The following ZNF385D variants were observed in gnomAD, a reference collection of about 807,000 sequenced individuals.
The protein encoded by ZNF385D is zinc finger protein 659.
ZNF385D carries 15 observed loss-of-function variants against 35.8 expected under a neutral mutation model. The ratio of observed to expected loss-of-function variants is 0.42; its 90% CI spans 0.28 to 0.64. The LOEUF is 0.64. ZNF385D is among the 30% of genes least tolerant of loss of function. The pLI is 0.23. For synonymous variants in ZNF385D, 212 were observed against 186.8 expected (o/e 1.13, Z -1.10); for missense variants, 474 against 494.6 (o/e 0.96, Z 0.39).
intron 3 of ZNF385D, among the ~76,000 whole-genome samples, chr3:21,880,772 T>G (rs184282396): frequency 1.1e-3 from 166 of 152,042 alleles, no homozygotes; most frequent in African/African-American, 3.9e-3. Context: ...CAGTTAGCAA[T>G]GTTGTGAACG....
At chr3:22,368,790 AG>A (rs2125232044) in intron 2 of ZNF385D, among the ~76,000 whole-genome samples, 1 of 152,342 alleles carries the variant, frequency 6.6e-6, no homozygotes, top group African/African-American at 2.4e-5. Flanking sequence ...ATTAAGGGCT[AG>A]GGCTCCACAA....
rs930483561 is a variant in ZNF385D, at chr3:22,253,826, A to G, written c.107-84791T>C. ...GCCAAACATTGCTATAACAAGAGAG[A>G]AAAATCCAGAAACAAACAAAACATG... is the stretch of plus-strand genomic sequence containing the variant. On this transcript the variant is annotated intron_variant, in intron 2 of 5. Coordinates refer to the ZNF385D transcript ENST00000494108. Among the ~76,000 whole-genome samples the G allele has an allele frequency of 5.9e-5, 8 of 136,274 alleles. No individual in the cohort carries two copies. The East Asian group carries it at 8.3e-4, about 14-fold the overall frequency. The allele number at this position is 136,274 out of a possible 152,430, so 89.4% of individuals were successfully genotyped here.
chr3:22,072,782 A>G (rs1233014865), intron 3 of ZNF385D, among the ~76,000 whole-genome samples: 1 of 152,022 alleles, frequency 6.6e-6, no homozygotes, highest in African/African-American at 2.4e-5. Context: ...GGAAGGAAAA[A>G]GGGAATGCAG....
chr3:21,815,653 AC>A (rs1246313029), intron 3 of ZNF385D, among the ~76,000 whole-genome samples: 4 of 152,314 alleles, frequency 2.6e-5, no homozygotes, highest in African/African-American at 9.6e-5. Flanking sequence ...CCCTGAATAG[AC>A]CAATAGCAGG....
chr3:22,111,754 T>C (rs1702548628), intron 3 of ZNF385D, among the ~76,000 whole-genome samples: 1 of 152,136 alleles, frequency 6.6e-6, no homozygotes, highest in Non-Finnish European at 1.5e-5. Flanking sequence ...TTATCCCTTC[T>C]GACTATTTTC....
intron 3 of ZNF385D, among the ~76,000 whole-genome samples, chr3:21,758,755 A>G (rs557776296): frequency 1.3e-5 from 2 of 151,574 alleles, no homozygotes; most frequent in East Asian, 3.9e-4. Flanking sequence ...TTTTTCTTCT[A>G]TTTTTTCCTT....
intron 3 of ZNF385D, among the ~76,000 whole-genome samples, chr3:21,989,439 A>T (rs1031793626): frequency 6.6e-6 from 1 of 152,190 alleles, no homozygotes; most frequent in Non-Finnish European, 1.5e-5. Context: ...CAACAGTCGG[A>T]AACTAATTAT....
chr3:21,915,734 G>A (rs564284385), intron 3 of ZNF385D, among the ~76,000 whole-genome samples: 1 of 152,210 alleles, frequency 6.6e-6, no homozygotes, highest in East Asian at 1.9e-4. Context: ...AGAATATCAA[G>A]GGTAGGTTGG....
At chr3:22,293,174 C>A (rs867743024) in intron 2 of ZNF385D, among the ~76,000 whole-genome samples, 1 of 152,042 alleles carries the variant, frequency 6.6e-6, no homozygotes. Flanking sequence ...CAAACCTAAT[C>A]CTAGTTATTA....
chr3:22,191,871 A>T (rs1696056080), intron 2 of ZNF385D, among the ~76,000 whole-genome samples: 1 of 151,942 alleles, frequency 6.6e-6, no homozygotes, highest in East Asian at 1.9e-4. Flanking sequence ...TATTTTACTT[A>T]CTACTGATGC....
intron 3 of ZNF385D, among the ~76,000 whole-genome samples, chr3:21,836,877 G>C (rs1288529960): frequency 1.3e-5 from 2 of 152,004 alleles, no homozygotes; most frequent in Non-Finnish European, 2.9e-5. Flanking sequence ...TCTTAGAATG[G>C]TGAGAACCGG....
intron 2 of ZNF385D, among the ~76,000 whole-genome samples, chr3:22,238,357 T>C (rs1192385693): frequency 1.3e-5 from 2 of 151,158 alleles, no homozygotes; most frequent in Non-Finnish European, 2.9e-5. Context: ...AGAACATAGT[T>C]GGGACTTTGA....
At chr3:21,970,565 A>G (rs1703183910) in intron 3 of ZNF385D, among the ~76,000 whole-genome samples, 2 of 152,192 alleles carry the variant, frequency 1.3e-5, no homozygotes, top group South Asian at 4.1e-4. Context: ...CCTAGAAAAC[A>G]GCCTCAAAGG....
At chr3:22,080,584 T>C (rs1700698299) in intron 3 of ZNF385D, among the ~76,000 whole-genome samples, 3 of 151,970 alleles carry the variant, frequency 2.0e-5, no homozygotes, top group Admixed American at 1.3e-4. Context: ...AGATTTTATA[T>C]ATAAAAAATT....
intron 2 of ZNF385D, among the ~76,000 whole-genome samples, chr3:22,285,209 G>T (rs1037680563): frequency 5.3e-5 from 8 of 152,132 alleles, no homozygotes; most frequent in Admixed American, 1.3e-4. Flanking sequence ...AGGTTACTCT[G>T]TATGTGATTC....
chr3:22,099,290 G>A (rs539529879), intron 3 of ZNF385D, among the ~76,000 whole-genome samples: 48 of 152,224 alleles, frequency 3.2e-4, no homozygotes, highest in South Asian at 2.9e-3. Flanking sequence ...CATACACTGT[G>A]AAAGTTGAGT....
intron 2 of ZNF385D, among the ~76,000 whole-genome samples, chr3:22,336,605 CAAGT>C (rs2125469912): frequency 6.6e-6 from 1 of 152,100 alleles, no homozygotes; most frequent in South Asian, 2.1e-4. Context: ...AACACATCAT[CAAGT>C]ATTTCACTAC....
intron 3 of ZNF385D, among the ~76,000 whole-genome samples, chr3:21,938,377 C>T (rs527355996): frequency 2.2e-4 from 34 of 152,254 alleles, no homozygotes; most frequent in Non-Finnish European, 3.8e-4. Flanking sequence ...CCTCCTGTAA[C>T]TTAATTGGGC....
intron 3 of ZNF385D, among the ~76,000 whole-genome samples, chr3:21,883,294 T>A (rs1044791675): frequency 6.6e-5 from 10 of 151,894 alleles, no homozygotes; most frequent in Non-Finnish European, 1.2e-4. Flanking sequence ...TATATTAATA[T>A]TTTTTAAAAT....
Sources: allele counts gnomAD v4.1 joint callset (sites outside exome capture counted in the v4.1 genomes callset), GRCh38; gene constraint gnomAD v4.1.1; transcripts MANE v1.5; gene names NCBI Gene and HGNC (gene_info 2026-07-23, HGNC 2026-07-21).